ZFHX3: variants seen among roughly 807,000 people sequenced by gnomAD.
The protein encoded by ZFHX3 is zinc finger homeobox 3, also known as zinc finger homeobox protein 3.
Under a neutral mutation model 279.1 loss-of-function variants are expected in ZFHX3, and 42 were observed. That is an observed-to-expected ratio of 0.15 (90% CI 0.12 to 0.19). The LOEUF (loss-of-function observed/expected upper bound fraction) is 0.19. ZFHX3 is among the 10% of genes least tolerant of loss of function. The probability of loss-of-function intolerance (pLI) is 1.00; values close to 1 mark genes in which losing one functional copy is unlikely to be tolerated. For missense variants in ZFHX3, 4,981 were observed against 4,754.0 expected, an observed-to-expected ratio of 1.05 and a Z score of -1.40; for synonymous variants, 2,293 against 1,957.8, an observed-to-expected ratio of 1.17 and a Z score of -4.52.
chr16:72,824,315 A>C (rs1391022958), intron 5 of ZFHX3, among the ~76,000 whole-genome samples: 1 of 152,238 alleles, frequency 6.6e-6, no homozygotes, highest in African/African-American at 2.4e-5. Flanking sequence ...TTCCTTTAAT[A>C]GCAATCTTCT....
chr16:73,438,032 A>G (rs539524946), intron 3 of ZFHX3, among the ~76,000 whole-genome samples: 1 of 152,240 alleles, frequency 6.6e-6, no homozygotes, highest in Non-Finnish European at 1.5e-5. Context: ...TGGGTGTTCT[A>G]ATAGAGTTTG....
At chr16:72,818,857 T>A (rs912276186) in intron 5 of ZFHX3, among the ~76,000 whole-genome samples, 8 of 152,190 alleles carry the variant, frequency 5.3e-5, no homozygotes, top group Non-Finnish European at 7.3e-5. Context: ...TACAAAGGTA[T>A]GGCAAGACAC....
At chr16:72,800,799 A>G (rs1430523641) in intron 7 of ZFHX3, among the ~76,000 whole-genome samples, 4 of 152,194 alleles carry the variant, frequency 2.6e-5, no homozygotes, top group Non-Finnish European at 4.4e-5. Context: ...GGTATACAAC[A>G]TCAGAGGGAA....
intron 2 of ZFHX3, among the ~76,000 whole-genome samples, chr16:73,503,314 G>T (rs1363952291): frequency 1.3e-5 from 2 of 152,162 alleles, no homozygotes; most frequent in Non-Finnish European, 2.9e-5. Flanking sequence ...AAATCCTCAG[G>T]TATCTGTCTC....
intron 1 of ZFHX3, among the ~76,000 whole-genome samples, chr16:73,884,714 C>T (rs866777383): frequency 5.9e-5 from 9 of 152,172 alleles, no homozygotes; most frequent in African/African-American, 2.2e-4. Flanking sequence ...ATAGACTATG[C>T]TTCAGAAACA....
intron 5 of ZFHX3, among the ~76,000 whole-genome samples, chr16:73,149,393 G>A (rs1411625691): frequency 6.6e-6 from 1 of 151,926 alleles, no homozygotes; most frequent in African/African-American, 2.4e-5. Context: ...CATTCATGCT[G>A]TAGAGATCAC....
intron 5 of ZFHX3, among the ~76,000 whole-genome samples, chr16:72,819,621 T>C (rs1377466292): frequency 1.3e-5 from 2 of 152,228 alleles, no homozygotes; most frequent in East Asian, 3.9e-4. Flanking sequence ...ACCACGCTGC[T>C]TTGTGGTCTA....
chr16:73,305,230 C>T (rs545407350), intron 4 of ZFHX3, among the ~76,000 whole-genome samples: 68 of 152,088 alleles, frequency 4.5e-4, no homozygotes, highest in East Asian at 1.9e-3. Flanking sequence ...GTCCTCAGGA[C>T]GGAAGCAATT....
At chr16:72,974,983 A>AGAGGCC (rs1471737535) in intron 1 of ZFHX3, among the ~76,000 whole-genome samples, 4 of 152,268 alleles carry the variant, frequency 2.6e-5, no homozygotes, top group Non-Finnish European at 4.4e-5. Context: ...CTCAAATCCT[A>AGAGGCC]GAGGCCCAGA....
At chr16:72,853,513 G>A (rs1315453506) in intron 4 of ZFHX3, among the ~76,000 whole-genome samples, 2 of 152,236 alleles carry the variant, frequency 1.3e-5, no homozygotes, top group African/African-American at 4.8e-5. Context: ...TCTAACTGGA[G>A]ATCGATGCTG....
chr16:73,156,441 A>G (rs1967087501), intron 5 of ZFHX3, among the ~76,000 whole-genome samples: 1 of 152,204 alleles, frequency 6.6e-6, no homozygotes, highest in Non-Finnish European at 1.5e-5. Context: ...ATGGATCTTC[A>G]GAGAACTGCT....
At chr16:73,258,945 T>A (rs1285428428) in intron 4 of ZFHX3, among the ~76,000 whole-genome samples, 5 of 152,218 alleles carry the variant, frequency 3.3e-5, no homozygotes, top group Non-Finnish European at 7.3e-5. Flanking sequence ...TATATAGCAC[T>A]TGAAGAAAAC....
At chr16:73,452,430 C>A (rs558639074) in intron 3 of ZFHX3, among the ~76,000 whole-genome samples, 38 of 152,266 alleles carry the variant, frequency 2.5e-4, no homozygotes, top group Non-Finnish European at 2.9e-5. Flanking sequence ...ATAATGAACT[C>A]TTCTAGCTGG....
chr16:72,874,200 T>A (rs1429385807), intron 4 of ZFHX3, among the ~76,000 whole-genome samples: 2 of 29,970 alleles, frequency 6.7e-5, no homozygotes, highest in East Asian at 1.2e-3. Context: ...ATTTTTTGAT[T>A]TTTTTTTTTT....
At chr16:73,151,062 T>G (rs1238941278) in intron 5 of ZFHX3, among the ~76,000 whole-genome samples, 1 of 152,150 alleles carries the variant, frequency 6.6e-6, no homozygotes, top group Non-Finnish European at 1.5e-5. Flanking sequence ...TCATGCTAAA[T>G]GAAAGAAGCC....
intron 1 of ZFHX3, among the ~76,000 whole-genome samples, chr16:73,795,922 T>C (rs1412186332): frequency 6.6e-6 from 1 of 152,198 alleles, no homozygotes; most frequent in Non-Finnish European, 1.5e-5. Flanking sequence ...ATTGCTGATA[T>C]TTCAATGCTT....
chr16:72,986,324 G>C (rs1962841253), intron 1 of ZFHX3, among the ~76,000 whole-genome samples: 1 of 152,142 alleles, frequency 6.6e-6, no homozygotes, highest in South Asian at 2.1e-4. Context: ...CGATGGAGGG[G>C]GGCTGCTCAG....
intron 4 of ZFHX3, among the ~76,000 whole-genome samples, chr16:72,861,992 G>T (rs565833667): frequency 1.3e-5 from 2 of 152,298 alleles, no homozygotes; most frequent in South Asian, 4.1e-4. Flanking sequence ...TCTAGCCTGG[G>T]CAACAGAGCA....
intron 2 of ZFHX3, among the ~76,000 whole-genome samples, chr16:73,616,446 A>C (rs1342370341): frequency 1.4e-5 from 2 of 147,120 alleles, no homozygotes; most frequent in African/African-American, 5.0e-5. Flanking sequence ...AAAAAACACC[A>C]ATGCTGCTAG....
Sources: allele counts gnomAD v4.1 joint callset (sites outside exome capture counted in the v4.1 genomes callset), GRCh38; gene constraint gnomAD v4.1.1; transcripts MANE v1.5; gene names NCBI Gene and HGNC (gene_info 2026-07-23, HGNC 2026-07-21).